PCDHGB5: variants seen among roughly 807,000 people sequenced by gnomAD.
The protein encoded by PCDHGB5 is protocadherin gamma subfamily B, 5.
Under a neutral mutation model 62.9 loss-of-function variants are expected in PCDHGB5, and 48 were observed. That is an observed-to-expected ratio of 0.76 (90% CI 0.61 to 0.97). PCDHGB5 has a LOEUF of 0.97. Among genes scored for constraint, PCDHGB5 ranks in the 50% least tolerant of loss-of-function variants. PCDHGB5 has a pLI of 0.00. For synonymous variants in PCDHGB5, 474 were observed against 511.2 expected (o/e 0.93, Z 0.98); for missense variants, 1,118 against 1,198.6 (o/e 0.93, Z 0.99).
intron 1 of PCDHGB5, chr5:141,403,960 G>T (rs775638627): frequency 1.9e-6 from 3 of 1,613,776 alleles, no homozygotes; most frequent in South Asian, 2.2e-5. Context: ...TGCTCATTTC[G>T]GTGGAAGATG....
rs138745923 is a variant in PCDHGB5, at chr5:141,420,954, A to C, written c.2397+20430A>C. On this transcript the variant is annotated intron_variant, in intron 1 of 3. Transcript: ENST00000617380. ...GTAATCATTTCTTCTGGAATTTCTTAGTCGTTGCAATAATAAGAATGGGCT... is the reference window on the plus strand; with the variant it reads ...GTAATCATTTCTTCTGGAATTTCTTCGTCGTTGCAATAATAAGAATGGGCT... 3.9e-3 allele frequency: 1,621 copies of C among 412,482 alleles called. 10 individuals are homozygous for C. The highest frequency in any genetic ancestry group is 0.01 in the Admixed American group (249 of 24,550). The allele number at this position is 412,482 out of a possible 1,614,324, so 25.6% of individuals were successfully genotyped here.
chr5:141,470,130 A>G (rs915991313), intron 1 of PCDHGB5, among the ~76,000 whole-genome samples: 4 of 151,534 alleles, frequency 2.6e-5, no homozygotes, highest in African/African-American at 4.9e-5. Flanking sequence ...CTTCGTCTCA[A>G]AAAAAAAGAT....
At chr5:141,403,803 T>C (rs1323082699) in intron 1 of PCDHGB5, 5 of 1,613,668 alleles carry the variant, frequency 3.1e-6, no homozygotes. Context: ...TTCTGGAAAA[T>C]TAATGAAAAA....
rs532502013 is a variant in PCDHGB5 at position 141,404,723 on chromosome 5, G to A, written c.2397+4199G>A. 3.1e-6 allele frequency: 5 copies of A among 1,614,094 alleles called. No individual in the cohort carries two copies. Among genetic ancestry groups the A allele is most frequent in the Middle Eastern group, 1.6e-4 (1 of 6,062 alleles). On this transcript the variant is annotated intron_variant, in intron 1 of 3. Coordinates refer to ENST00000617380, the MANE Select transcript of PCDHGB5 (RefSeq NM_018925.3). ...AGAGCCTGGCTACCTGGTGACCAAG[G>A]TGGTGGCAGTGGACAGAGACTCAGG...
At chr5:141,509,670 T>G (rs2099877782) in intron 3 of PCDHGB5, among the ~76,000 whole-genome samples, 1 of 152,136 alleles carries the variant, frequency 6.6e-6, no homozygotes, top group African/African-American at 2.4e-5. Flanking sequence ...TGGGCCCCAG[T>G]TTCTTCTTCT....
intron 1 of PCDHGB5, chr5:141,479,750 G>T: frequency 6.6e-6 from 1 of 152,310 alleles, no homozygotes. Context: ...CAATGTGAAA[G>T]GTAGATAAAT....
chr5:141,423,501 C>G, intron 1 of PCDHGB5: 1 of 1,613,990 alleles, frequency 6.2e-7, no homozygotes, highest in African/African-American at 1.3e-5. Flanking sequence ...CCCACGAGGT[C>G]TCTCTCATTG....
rs200877911 is a variant in PCDHGB5 at position 141,477,977 on chromosome 5, A to G, written c.2398-16830A>G. ...ATCCCCTAACCAGAGCCTTTTTGCC[A>G]TAGGGCTGCACACTGGTCAAATCAG... On this transcript the variant is annotated intron_variant, in intron 1 of 3. Coordinates refer to ENST00000617380, the MANE Select transcript of PCDHGB5 (RefSeq NM_018925.3). The surrounding 1 kb of genome is among the most constrained non-coding windows in gnomAD (Gnocchi z 4.9). 5 of 1,614,092 alleles carry G rather than the reference A, an allele frequency of 3.1e-6. No individual in the cohort carries two copies. The East Asian group carries it at 6.7e-5, about 22-fold the overall frequency.
In PCDHGB5 at chr5:141,490,795, C is replaced by A; in HGVS notation, c.2398-4012C>A. The A allele has an allele frequency of 1.3e-5, 21 of 1,614,036 alleles. No homozygotes were observed. Among genetic ancestry groups the A allele is most frequent in the Non-Finnish European group, 1.8e-5 (21 of 1,179,922 alleles). On this transcript the variant is annotated intron_variant, in intron 1 of 3. Coordinates refer to ENST00000617380, the MANE Select transcript of PCDHGB5 (RefSeq NM_018925.3). This position sits in a 1 kb window ranked among gnomAD's most constrained non-coding sequence, Gnocchi z 5.4. ...CCCAGAGGATGGACGGATCTTTGCC[C>A]AGCGTACCTTTGACTATGAATTGCT...
chr5:141,486,105 A>C lies in PCDHGB5; in HGVS notation c.2398-8702A>C. The stretch of plus-strand genomic sequence containing the variant: ...ACTCTTTTGGGGCCCCTAGACTTTG[A>C]GAGTGAGAATTACTATGAATTTGAT... On this transcript the variant is annotated intron_variant, in intron 1 of 3. Transcript: ENST00000617380. This position sits in a 1 kb window ranked among gnomAD's most constrained non-coding sequence, Gnocchi z 5.0. The C allele has an allele frequency of 1.2e-6, 2 of 1,614,138 alleles. No individual in the cohort carries two copies. The highest frequency in any genetic ancestry group is 1.7e-6 in the Non-Finnish European group (2 of 1,180,016).
Position 141,489,857 on chromosome 5 carries a change from C to T in PCDHGB5, c.2398-4950C>T. 2 of 1,614,166 alleles carry T rather than the reference C, an allele frequency of 1.2e-6. No individual in the cohort carries two copies. On this transcript the variant is annotated intron_variant, in intron 1 of 3. Coordinates refer to ENST00000617380, the MANE Select transcript of PCDHGB5 (RefSeq NM_018925.3). This position sits in a 1 kb window ranked among gnomAD's most constrained non-coding sequence, Gnocchi z 4.5. ...CAGCAGCTGGATCGTGAAGCCCAGGCAAGACATCAGCTGGTGCTTACTGCT... is the reference window on the plus strand; with the variant it reads ...CAGCAGCTGGATCGTGAAGCCCAGGTAAGACATCAGCTGGTGCTTACTGCT...
chr5:141,398,670 A>T lies in PCDHGB5; in HGVS notation c.543A>T (p.Ile181=). The T allele has an allele frequency of 6.2e-7, 1 of 1,613,830 alleles. No individual in the cohort carries two copies. The highest frequency in any genetic ancestry group is 8.5e-7 in the Non-Finnish European group (1 of 1,179,738). Residue 181 remains isoleucine, a synonymous_variant, in exon 1 of 4, where the codon ATA becomes ATT. Coordinates refer to ENST00000617380, the MANE Select transcript of PCDHGB5 (RefSeq NM_018925.3). ...CTCTTAACCCAAGTTTCTCATTAAT[A>T]ATTAAGGAGAAACAGGATGGTAGTA... is the stretch of plus-strand genomic sequence containing the variant. ...KLSLNPSFSL[I]IKEKQDGSKY...
chr5:141,456,773 G>A (rs1178932462), intron 1 of PCDHGB5, among the ~76,000 whole-genome samples: 6 of 151,980 alleles, frequency 3.9e-5, no homozygotes, highest in African/African-American at 1.2e-4. Context: ...GACCAGCCTG[G>A]CCTACATGGC....
In PCDHGB5 at chr5:141,463,735, C is replaced by T. The variant is rs1411988885; in HGVS notation, c.2398-31072C>T. On this transcript the variant is annotated intron_variant, in intron 1 of 3. Coordinates refer to ENST00000617380, the MANE Select transcript of PCDHGB5 (RefSeq NM_018925.3). ...TGCTGGGATTACAGGCATGAGCCAC[C>T]GCGCCCGGCCTGCTTCTCTTCTCTT... 3.3e-5 allele frequency among the ~76,000 whole-genome samples: 5 copies of T among 152,100 alleles called. No individual in the cohort carries two copies. The East Asian group carries it at 7.8e-4, about 24-fold the overall frequency.
intron 1 of PCDHGB5, chr5:141,410,127 T>A (rs761667108): frequency 3.7e-6 from 6 of 1,612,926 alleles, no homozygotes; most frequent in Non-Finnish European, 5.1e-6. Context: ...CGCCAGCGCC[T>A]GCTGGTCGCT....
chr5:141,482,472 CTG>C (rs2099561247), intron 1 of PCDHGB5, among the ~76,000 whole-genome samples: 2 of 136,856 alleles, frequency 1.5e-5, no homozygotes, highest in Non-Finnish European at 3.0e-5. Context: ...GTGCCAGACA[CTG>C]TAAACAATTA....
At chr5:141,422,777 C>T in intron 1 of PCDHGB5, 1 of 1,613,982 alleles carries the variant, frequency 6.2e-7, no homozygotes, top group Non-Finnish European at 8.5e-7. Context: ...GTTCTCTATG[C>T]CCTACAATCC....
In PCDHGB5 at chr5:141,435,388, G is replaced by T. The variant is rs186494703; in HGVS notation, c.2397+34864G>T. Among the ~76,000 whole-genome samples, 241 of 152,094 alleles carry T rather than the reference G, an allele frequency of 1.6e-3. 5 individuals carry two copies. Among genetic ancestry groups the T allele is most frequent in the Non-Finnish European group, 2.1e-4 (14 of 67,992 alleles). The stretch of plus-strand genomic sequence containing the variant: ...ACTTAAATATACAATATACCGTATT[G>T]CCATGACGAAAAATGGTAAAGACTA... On this transcript the variant is annotated intron_variant, in intron 1 of 3. Transcript: ENST00000617380.
In PCDHGB5 at chr5:141,486,885, G is replaced by C. The variant is rs139638334; in HGVS notation, c.2398-7922G>C. 1.2e-6 allele frequency: 2 copies of C among 1,614,076 alleles called. No individual in the cohort carries two copies. Among genetic ancestry groups the C allele is most frequent in the East Asian group, 4.5e-5 (2 of 44,892 alleles). On this transcript the variant is annotated intron_variant, in intron 1 of 3. Coordinates refer to ENST00000617380, the MANE Select transcript of PCDHGB5 (RefSeq NM_018925.3). This position sits in a 1 kb window ranked among gnomAD's most constrained non-coding sequence, Gnocchi z 5.0. ...CCAGCTGTGCTCCGTCCTCGGGCCC[G>C]GCCTGGTTCCTTATGTCCCCAAGCA...
Sources: allele counts gnomAD v4.1 joint callset (sites outside exome capture counted in the v4.1 genomes callset), GRCh38; gene constraint gnomAD v4.1.1; non-coding constraint Gnocchi (gnomAD v3.1); transcripts MANE v1.5; gene names NCBI Gene and HGNC (gene_info 2026-07-23, HGNC 2026-07-21).